KCND1: variants seen among roughly 807,000 people sequenced by gnomAD.
KCND1 encodes A-type voltage-gated potassium channel KCND1.
A neutral mutation model predicts 31.8 loss-of-function variants in KCND1; 11 were observed. The observed-to-expected ratio is 0.35, with a 90% CI of 0.22 to 0.57. The LOEUF is 0.57. Among genes scored for constraint, KCND1 ranks in the 20% least tolerant of loss-of-function variants. The probability of loss-of-function intolerance (pLI) is 0.85; values close to 1 mark genes in which losing one functional copy is unlikely to be tolerated. For synonymous variants in KCND1, 234 were observed against 248.1 expected, an observed-to-expected ratio of 0.94 and a Z score of 0.53; for missense variants, 471 against 596.8, an observed-to-expected ratio of 0.79 and a Z score of 2.20.
chrX:48,971,132 G>A lies in KCND1; in HGVS notation c.-861C>T. 1 of 108,895 alleles carries A rather than the reference G, an allele frequency of 9.2e-6. No individual in the cohort carries two copies. 9.0% of individuals were successfully genotyped at this position (108,895 alleles called of 1,213,427 possible). On this transcript the variant is annotated 5_prime_UTR_variant, in exon 1 of 6. Transcript: ENST00000218176. ...GCTGGGTTATTTTTTGAGAGGCTGA[G>A]AGTTATCTGGGGGAGGTGGGTATCT...
intron 1 of KCND1, 112 bp downstream of exon 1, chrX:48,969,039 G>T: frequency 1.2e-6 from 1 of 819,628 alleles, no homozygotes; most frequent in Non-Finnish European, 1.7e-6. Context: ...GGGCGACAGA[G>T]TAAGACTCCA....
At position 48,963,112 on chromosome X, in the gene KCND1, G is replaced by A. The variant is rs185585642; in HGVS notation, c.1719-306C>T. ...GATTGCACCACTGCACTCCAGCCTG[G>A]GTGACGGAATGAGACTCTGTCTCAA... On this transcript the variant is annotated intron_variant, in intron 5 of 5. Coordinates refer to ENST00000218176, the MANE Select transcript of KCND1 (RefSeq NM_004979.6). Among the ~76,000 whole-genome samples, 113 of 106,032 alleles carry A rather than the reference G, an allele frequency of 1.1e-3. 2 individuals are homozygous for A. The East Asian group carries it at 0.031, about 29-fold the overall frequency. 92.1% of individuals were successfully genotyped at this position (106,032 alleles called of 115,157 possible).
rs183099634 is a variant in KCND1, at chrX:48,966,484, A to G, written c.1467+94T>C. On this transcript the variant is annotated intron_variant, in intron 4 of 5. Coordinates refer to ENST00000218176, the MANE Select transcript of KCND1 (RefSeq NM_004979.6). ...CCAGGAAGCTCTGTGTGATTTCCAC[A>G]ATTTGTAGTGAGCCTCCCATCCAAG... 3.6e-4 allele frequency: 367 copies of G among 1,022,570 alleles called. 1 individual carries two copies. The East Asian group carries it at 0.011, about 31-fold the overall frequency. The allele number at this position is 1,022,570 out of a possible 1,213,427, so 84.3% of individuals were successfully genotyped here.
rs782108219 is a variant in KCND1, at chrX:48,969,583, G to A, written c.689C>T (p.Ala230Val). 2.7e-5 allele frequency: 33 copies of A among 1,209,231 alleles called. No homozygotes were observed. The African/African-American group carries it at 4.3e-4, about 16-fold the overall frequency. ...ACAGGCTGTGTCCATGCAGAAAAAGGCCTGTGGGAAGCGTTCGCCACAGGG... is the reference window on the plus strand; with the variant it reads ...ACAGGCTGTGTCCATGCAGAAAAAGACCTGTGGGAAGCGTTCGCCACAGGG... ...EQPCGERFPQ[A>V]FFCMDTACVL... Residue 230 changes from alanine to valine, a missense_variant, in exon 1 of 6, where the codon GCC becomes GTC. Physicochemically the swap from Ala to Val is moderately conservative, Grantham distance 64. This residue lies in a region of KCND1 where 212 missense variants were observed against 257.9 expected (regional missense o/e 0.82). Coordinates refer to ENST00000218176, the MANE Select transcript of KCND1 (RefSeq NM_004979.6).
At position 48,971,495 on chromosome X, in the gene KCND1, G is replaced by GGGCAGT. The variant is rs2064388437; in HGVS notation, c.-1230_-1225dup. ...CCCCGAGGGGCTGGCGGTGTGTACT[G>GGGCAGT]GGCAGTGGCAGTAGCAGCAGCGGCA... is the stretch of plus-strand genomic sequence containing the variant. On this transcript the variant is annotated 5_prime_UTR_variant, in exon 1 of 6. Coordinates refer to ENST00000218176, the MANE Select transcript of KCND1 (RefSeq NM_004979.6). 1 of 113,082 alleles carries GGGCAGT rather than the reference G, an allele frequency of 8.8e-6. No homozygotes were observed. The highest frequency in any genetic ancestry group is 3.3e-5 in the African/African-American group (1 of 30,610). The allele number at this position is 113,082 out of a possible 1,213,427, so 9.3% of individuals were successfully genotyped here. A position where few individuals can be genotyped will look rare whatever the true frequency, so the allele number is the denominator to read the frequency against.
rs1557058933 is a variant in KCND1 at position 48,971,436 on chromosome X, T to C, written c.-1165A>G. 1 of 110,425 alleles carries C rather than the reference T, an allele frequency of 9.1e-6. No homozygotes were observed. The allele number at this position is 110,425 out of a possible 1,213,427, so 9.1% of individuals were successfully genotyped here. A position where few individuals can be genotyped will look rare whatever the true frequency, so the allele number is the denominator to read the frequency against. The stretch of plus-strand genomic sequence containing the variant: ...CAGGAGACGCCGGGAGAAGGCTGGG[T>C]CCCACCGTTGGGGGCAGGTCTGGGG... On this transcript the variant is annotated 5_prime_UTR_variant, in exon 1 of 6. Coordinates refer to ENST00000218176, the MANE Select transcript of KCND1 (RefSeq NM_004979.6).
intron 5 of KCND1, among the ~76,000 whole-genome samples, chrX:48,965,626 A>G (rs1451965258): frequency 9.0e-6 from 1 of 111,505 alleles, no homozygotes; most frequent in Non-Finnish European, 1.9e-5. Flanking sequence ...CTGTAATTCC[A>G]GCACTCTGGG....
intron 1 of KCND1, chrX:48,968,447 A>G (rs2064365513): frequency 2.7e-5 from 3 of 111,853 alleles, no homozygotes; most frequent in African/African-American, 6.5e-5. Flanking sequence ...GTTGGGAGAC[A>G]TGGGTCCCCA....
Position 48,966,280 on chromosome X carries a change from G to A in KCND1, c.1493C>T (p.Thr498Ile). The A allele has an allele frequency of 8.4e-7, 1 of 1,187,498 alleles. No homozygotes were observed. Among genetic ancestry groups the A allele is most frequent in the Non-Finnish European group, 1.1e-6 (1 of 884,337 alleles). Residue 498 changes from threonine to isoleucine, a missense_variant, in exon 5 of 6, where the codon ACC becomes ATC. Around this residue, in one of 3 missense-constraint regions of KCND1, gnomAD observed 185 missense variants for 184.7 expected, o/e 1.00. Transcript: ENST00000218176. ...GACGGCTCCCAGGGCTTCACTGAAG[G>A]TGAGCTCATCTGTGAACTCATGGCA... ...TTCHEFTDEL[T>I]FSEALGAVSP...
At position 48,970,279 on chromosome X, in the gene KCND1, C is replaced by T. The variant is rs782442631; in HGVS notation, c.-8G>A. 18 of 1,188,613 alleles carry T rather than the reference C, an allele frequency of 1.5e-5. No individual in the cohort carries two copies. Among genetic ancestry groups the T allele is most frequent in the Admixed American group, 2.4e-5 (1 of 41,030 alleles). On this transcript the variant is annotated 5_prime_UTR_variant, in exon 1 of 6. The change creates a new upstream start codon in the 5' untranslated region. Transcript: ENST00000218176. ...GGCCAGGCCTGCCGCCATCGTGCCA[C>T]TCCCCAAGCCCAGGGAGACTTAGTG...
chrX:48,967,308 C>T (rs1452375938), intron 1 of KCND1: 1 of 419,795 alleles, frequency 2.4e-6, no homozygotes, highest in Non-Finnish European at 4.2e-6. Context: ...CCATCTGCTG[C>T]CCCTGTCCAA....
chrX:48,964,495 G>A (rs1484302030), intron 5 of KCND1, among the ~76,000 whole-genome samples: 5 of 108,720 alleles, frequency 4.6e-5, no homozygotes, highest in Admixed American at 2.9e-4. Context: ...CAGTCTGGGC[G>A]ACAGAGCAGG....
At position 48,970,289 on chromosome X, in the gene KCND1, C is replaced by G; in HGVS notation, c.-18G>C. On this transcript the variant is annotated 5_prime_UTR_variant, in exon 1 of 6. Coordinates refer to ENST00000218176, the MANE Select transcript of KCND1 (RefSeq NM_004979.6). ...GCCGCCATCGTGCCACTCCCCAAGCCCAGGGAGACTTAGTGAGGGTGGCGT... is the reference window on the plus strand; with the variant it reads ...GCCGCCATCGTGCCACTCCCCAAGCGCAGGGAGACTTAGTGAGGGTGGCGT... The G allele has an allele frequency of 8.5e-7, 1 of 1,181,661 alleles. No individual in the cohort carries two copies.
chrX:48,966,693 A>G lies in KCND1; in HGVS notation c.1369-17T>C. Reference sequence around the variant, plus strand: ...GCCGCTGTCCTGGAGTAGATGGAGCAGAGCGATAAGGGCAGCACCTTCCTC... The same window carrying G: ...GCCGCTGTCCTGGAGTAGATGGAGCGGAGCGATAAGGGCAGCACCTTCCTC... On this transcript the variant is annotated splice_polypyrimidine_tract_variant and intron_variant, in intron 3 of 5. Transcript: ENST00000218176. 1 of 1,205,633 alleles carries G rather than the reference A, an allele frequency of 8.3e-7. No homozygotes were observed. Among genetic ancestry groups the G allele is most frequent in the Non-Finnish European group, 1.1e-6 (1 of 890,986 alleles).
At position 48,969,781 on chromosome X, in the gene KCND1, G is replaced by T. The variant is rs782536796; in HGVS notation, c.491C>A (p.Ala164Glu). 65 of 1,206,566 alleles carry T rather than the reference G, an allele frequency of 5.4e-5. No homozygotes were observed. The highest frequency in any genetic ancestry group is 6.0e-5 in the East Asian group (2 of 33,563). ...GAGCCGCTGCCGCAGGGAGCTGCCT[G>T]CTGGCAGGGCTGGGCCGTCCCCGGC... ...EQAGDGPALP[A>E]GSSLRQRLWR... is the part of the protein sequence containing the mutation. The change falls in exon 1 of 6, where the codon GCA becomes GAA. Residue 164 changes from alanine (A) to glutamate (E), a missense_variant. By Grantham distance (107) the Ala-to-Glu change is moderately radical (BLOSUM62 -1). Transcript: ENST00000218176.
chrX:48,966,772 C>T lies in KCND1; in HGVS notation c.1357G>A (p.Gly453Arg). ...AGGCCCCGACCCACCTCAAGGCCCC[C>T]ATTCTGCTTGTACTGCAGGAAGGCA... ...TNAFLQYKQN[G>R]GLEDSGSGEE... is the part of the protein sequence containing the mutation. The change falls in exon 3 of 6, where the codon GGG becomes AGG. Residue 453 changes from glycine to arginine, a missense_variant. This residue lies in a region of KCND1 where 185 missense variants were observed against 184.7 expected (regional missense o/e 1.00). Transcript: ENST00000218176. 4 of 1,208,126 alleles carry T rather than the reference C, an allele frequency of 3.3e-6. No individual in the cohort carries two copies.
chrX:48,971,338 G>T lies in KCND1; in HGVS notation c.-1067C>A, dbSNP rs1275620544. 9.5e-6 allele frequency: 1 copy of T among 104,959 alleles called. No individual in the cohort carries two copies. The highest frequency in any genetic ancestry group is 2.0e-5 in the Non-Finnish European group (1 of 50,855). 8.6% of individuals were successfully genotyped at this position (104,959 alleles called of 1,213,427 possible). On this transcript the variant is annotated 5_prime_UTR_variant, in exon 1 of 6. Coordinates refer to ENST00000218176, the MANE Select transcript of KCND1 (RefSeq NM_004979.6). The stretch of plus-strand genomic sequence containing the variant: ...GGTTAACCCCAAAATGGGATTAAGA[G>T]GGGGGTGGGGTGTTGAAAGGGAGTT...
chrX:48,963,033 G>A (rs1465433755), intron 5 of KCND1, among the ~76,000 whole-genome samples: 2 of 110,393 alleles, frequency 1.8e-5, no homozygotes, highest in South Asian at 3.9e-4. Flanking sequence ...CTACTCGGGA[G>A]GTTGAGGCGG....
intron 5 of KCND1, among the ~76,000 whole-genome samples, chrX:48,964,226 T>C (rs1022627522): frequency 1.2e-4 from 13 of 111,541 alleles, no homozygotes; most frequent in African/African-American, 3.9e-4. Flanking sequence ...CTACTAAAAA[T>C]ATAAAAAATT....
Sources: allele counts gnomAD v4.1 joint callset (sites outside exome capture counted in the v4.1 genomes callset), GRCh38; gene constraint gnomAD v4.1.1; regional missense constraint gnomAD v4.1.1; transcripts MANE v1.5; gene names NCBI Gene and HGNC (gene_info 2026-07-23, HGNC 2026-07-21).